The following GEN1 variants were observed in gnomAD, a reference collection of about 807,000 sequenced individuals.
The protein encoded by GEN1 is GEN1 structure-specific endonuclease, also known as flap endonuclease GEN homolog 1.
In GEN1, 64 loss-of-function variants were observed where a neutral mutation model predicts 67.6. The observed-to-expected ratio is 0.95, with a 90% confidence interval of 0.77 to 1.17. The LOEUF (loss-of-function observed/expected upper bound fraction) is 1.17, where lower values mean the gene tolerates loss of function less well. GEN1 is among the 50% of genes most tolerant of loss of function. The pLI, the probability that GEN1 is intolerant of heterozygous loss-of-function variation, is 0.00. For missense variants in GEN1, 1,058 were observed against 1,048.3 expected, an observed-to-expected ratio of 1.01 and a Z score of -0.13; for synonymous variants, 371 against 359.4, an observed-to-expected ratio of 1.03 and a Z score of -0.37.
chr2:17,780,330 G>C (rs529649706), intron 13 of GEN1, among the ~76,000 whole-genome samples: 6 of 152,252 alleles, frequency 3.9e-5, no homozygotes, highest in African/African-American at 1.2e-4. Flanking sequence ...TACTAACTTA[G>C]ACACGTGTTA....
At chr2:17,758,233 C>A (rs1671513739) in intron 1 of GEN1, among the ~76,000 whole-genome samples, 1 of 152,138 alleles carries the variant, frequency 6.6e-6, no homozygotes, top group Non-Finnish European at 1.5e-5. Context: ...ATTGCTAAAC[C>A]AGAAGATAAC....
At chr2:17,779,068 A>T (rs889309789) in intron 12 of GEN1, among the ~76,000 whole-genome samples, 1 of 152,120 alleles carries the variant, frequency 6.6e-6, no homozygotes, top group Non-Finnish European at 1.5e-5. Context: ...GGTTACAGGC[A>T]CCTGCCATCA....
chr2:17,774,140 T>C, intron 10 of GEN1, 131 bp from the exon 11 acceptor site: 2 of 412,786 alleles, frequency 4.8e-6, no homozygotes, highest in Non-Finnish European at 4.2e-6. Context: ...GGCTCATTGT[T>C]TCTAGAATAT....
chr2:17,756,131 C>T (rs1481104400), intron 1 of GEN1, among the ~76,000 whole-genome samples: 2 of 151,728 alleles, frequency 1.3e-5, no homozygotes, highest in Non-Finnish European at 2.9e-5. Flanking sequence ...GGTTTAATAC[C>T]TGTCATTTTG....
Position 17,786,466 on chromosome 2 carries a change from TC to T in GEN1, c.*4528del, listed in dbSNP as rs1673063482. 3.9e-5 allele frequency: 6 copies of T among 152,222 alleles called. No homozygotes were observed. Among genetic ancestry groups the T allele is most frequent in the Admixed American group, 3.9e-4 (6 of 15,282 alleles). 9.4% of individuals were successfully genotyped at this position (152,222 alleles called of 1,614,324 possible). On this transcript the variant is annotated 3_prime_UTR_variant, in exon 14 of 14. Coordinates refer to ENST00000381254, the MANE Select transcript of GEN1 (RefSeq NM_001130009.3). ...AATATAATGTGGTAACTAATATTCA[TC>T]TAATCACCTACCACATTTTTGGAGC...
rs749376963 is a variant in GEN1, at chr2:17,780,155, A to G, written c.1408+34A>G. On this transcript the variant is annotated intron_variant, in intron 13 of 13. Transcript: ENST00000381254. ...TGGGTTTGATAGCTATTTATGCCAC[A>G]TGCAAATGTTATAGAAGAGCCACCT... The G allele has an allele frequency of 7.0e-6, 11 of 1,569,678 alleles. No individual in the cohort carries two copies. The Admixed American group carries it at 1.5e-4, about 22-fold the overall frequency.
intron 12 of GEN1, among the ~76,000 whole-genome samples, chr2:17,778,445 T>TATGTATATACACAC (rs1672659630): frequency 1.4e-5 from 1 of 73,872 alleles, no homozygotes; most frequent in African/African-American, 4.7e-5. Flanking sequence ...TACACACACA[T>TATGTATATACACAC]ATATGTGTGT....
intron 5 of GEN1, among the ~76,000 whole-genome samples, chr2:17,767,665 T>A (rs761246371): frequency 2.5e-4 from 38 of 152,182 alleles, no homozygotes; most frequent in Non-Finnish European, 5.0e-4. Flanking sequence ...CAATGTTTAA[T>A]TTAAGAAAAA....
intron 11 of GEN1, among the ~76,000 whole-genome samples, chr2:17,775,665 G>A (rs1252081061): frequency 6.6e-6 from 1 of 152,122 alleles, no homozygotes; most frequent in Non-Finnish European, 1.5e-5. Context: ...CTCAAGTACC[G>A]CTCTACAGAT....
rs549010887 is a variant in GEN1 at position 17,787,480 on chromosome 2, C to T, written c.*5541C>T. The T allele has an allele frequency of 3.3e-5, 5 of 152,334 alleles. No individual in the cohort carries two copies. Among genetic ancestry groups the T allele is most frequent in the Admixed American group, 2.0e-4 (3 of 15,310 alleles). 9.4% of individuals were successfully genotyped at this position (152,334 alleles called of 1,614,324 possible). On this transcript the variant is annotated 3_prime_UTR_variant, in exon 14 of 14. Transcript: ENST00000381254. ...AAAGTCTTCTGTTGCTTCTCTGGAT[C>T]GCTGCTAGTCCCCATAGACTTCTAA...
In GEN1 at chr2:17,778,025, A is replaced by G; in HGVS notation, c.1226A>G (p.Asn409Ser). ...AGAATTGTTAAGACTCGAATCAGAA[A>G]TGGAGTTCATTGTTTTGAAATAGAA... ...PIRIVKTRIR[N>S]GVHCFEIEWE... Residue 409 changes from asparagine (N) to serine (S), a missense_variant, in exon 12 of 14, where the codon AAT (asparagine) becomes AGT (serine). By Grantham distance (46) the Asn-to-Ser change is conservative. Transcript: ENST00000381254. The G allele has an allele frequency of 6.3e-7, 1 of 1,595,612 alleles. No individual in the cohort carries two copies. The highest frequency in any genetic ancestry group is 8.6e-7 in the Non-Finnish European group (1 of 1,165,010).
rs1471223503 is a variant in GEN1, at chr2:17,760,000, G to T, written c.57G>T (p.Leu19Phe). 1.2e-6 allele frequency: 2 copies of T among 1,613,940 alleles called. No homozygotes were observed. Among genetic ancestry groups the T allele is most frequent in the Admixed American group, 1.7e-5 (1 of 59,988 alleles). The change falls in exon 2 of 14, where the codon TTG becomes TTT. Residue 19 changes from leucine to phenylalanine, a missense_variant. By Grantham distance (22) the Leu-to-Phe change is conservative (BLOSUM62 0). Coordinates refer to ENST00000381254, the MANE Select transcript of GEN1 (RefSeq NM_001130009.3). ...AGCCTGTTAAGCAACACATCCCCTT[G>T]CGTAATCTTGGTGGGAAAACCATTG... ...ILEPVKQHIP[L>F]RNLGGKTIAV... is the part of the protein sequence containing the mutation.
intron 4 of GEN1, among the ~76,000 whole-genome samples, chr2:17,766,281 C>A (rs1671927655): frequency 6.6e-6 from 1 of 152,160 alleles, no homozygotes; most frequent in Non-Finnish European, 1.5e-5. Flanking sequence ...AATTCTTGTG[C>A]CTCAGCCTCC....
chr2:17,784,947 C>T lies in GEN1; in HGVS notation c.*3008C>T, dbSNP rs1673006339. The T allele has an allele frequency of 6.6e-6, 1 of 152,252 alleles. No individual in the cohort carries two copies. The highest frequency in any genetic ancestry group is 2.4e-5 in the African/African-American group (1 of 41,456). 9.4% of individuals were successfully genotyped at this position (152,252 alleles called of 1,614,324 possible). A position where few individuals can be genotyped will look rare whatever the true frequency, so the allele number is the denominator to read the frequency against. ...AGTCCATCACCTGTCAGGAACCGGC[C>T]TGCACAGCAGGTGTTGAGCGGCATG... On this transcript the variant is annotated 3_prime_UTR_variant, in exon 14 of 14. Transcript: ENST00000381254.
intron 13 of GEN1, 64 bp from the exon 14 acceptor site, chr2:17,780,557 A>AT: frequency 8.9e-7 from 1 of 1,120,988 alleles, no homozygotes; most frequent in Non-Finnish European, 1.3e-6. Flanking sequence ...TTATTTTTTT[A>AT]TTTTTTACCC....
intron 9 of GEN1, 39 bp downstream of exon 9, chr2:17,773,171 T>G: frequency 6.4e-7 from 1 of 1,563,512 alleles, no homozygotes; most frequent in Non-Finnish European, 8.8e-7. Context: ...TTTTAGAAAC[T>G]TTCTTAAAAG....
Position 17,788,477 on chromosome 2 carries a change from G to A in GEN1, c.*6538G>A, listed in dbSNP as rs1558420102. The A allele has an allele frequency of 1.3e-5, 2 of 152,256 alleles. No individual in the cohort carries two copies. The highest frequency in any genetic ancestry group is 2.9e-5 in the Non-Finnish European group (2 of 68,050). 9.4% of individuals were successfully genotyped at this position (152,256 alleles called of 1,614,324 possible). A position where few individuals can be genotyped will look rare whatever the true frequency, so the allele number is the denominator to read the frequency against. On this transcript the variant is annotated 3_prime_UTR_variant, in exon 14 of 14. Coordinates refer to ENST00000381254, the MANE Select transcript of GEN1 (RefSeq NM_001130009.3). The stretch of plus-strand genomic sequence containing the variant: ...ATCAGCAAAGTAGGCTGACCCTTCT[G>A]TGGGCAGAATGAATATTTTGCTAAT...
In GEN1 at chr2:17,781,216, T is replaced by G; in HGVS notation, c.2004T>G (p.Cys668Trp). 2.5e-6 allele frequency: 4 copies of G among 1,613,594 alleles called. No homozygotes were observed. Among genetic ancestry groups the G allele is most frequent in the Non-Finnish European group, 3.4e-6 (4 of 1,179,568 alleles). Residue 668 changes from cysteine (C) to tryptophan (W), a missense_variant, in exon 14 of 14, where the codon TGT (cysteine) becomes TGG (tryptophan). By Grantham distance (215) the Cys-to-Trp change is radical (BLOSUM62 -2). Coordinates refer to ENST00000381254, the MANE Select transcript of GEN1 (RefSeq NM_001130009.3). ...TACTTTCTGGCATTACTGATTTATG[T>G]CTTCAGGATTTGCCTTTAAAGGAAC... ...EHLLSGITDLCLQDLPLKERI... is the reference protein window; with the variant it reads ...EHLLSGITDLWLQDLPLKERI...
intron 6 of GEN1, 76 bp downstream of exon 6, chr2:17,768,887 CAAT>C: frequency 2.5e-6 from 2 of 794,714 alleles, no homozygotes; most frequent in Non-Finnish European, 4.0e-6. Context: ...GTACAGGAAA[CAAT>C]TGTTTTCCAA....
Sources: allele counts gnomAD v4.1 joint callset (sites outside exome capture counted in the v4.1 genomes callset), GRCh38; gene constraint gnomAD v4.1.1; transcripts MANE v1.5; gene names NCBI Gene and HGNC (gene_info 2026-07-23, HGNC 2026-07-21).